KALRN: variants seen among roughly 807,000 people sequenced by gnomAD.
KALRN encodes kalirin.
Under a neutral mutation model 353.7 loss-of-function variants are expected in KALRN, and 70 were observed. The observed-to-expected ratio is 0.20, with a 90% CI of 0.16 to 0.24. The LOEUF (loss-of-function observed/expected upper bound fraction) is 0.24, where lower values mean the gene tolerates loss of function less well. Among genes scored for constraint, KALRN ranks in the 10% least tolerant of loss-of-function variants. The probability of loss-of-function intolerance (pLI) is 1.00; values close to 1 mark genes in which losing one functional copy is unlikely to be tolerated. For synonymous variants in KALRN, 1,391 were observed against 1,434.8 expected (o/e 0.97, Z 0.69); for missense variants, 2,791 against 3,756.7 (o/e 0.74, Z 6.72).
intron 10 of KALRN, among the ~76,000 whole-genome samples, chr3:124,371,472 A>G (rs2085825388): frequency 6.6e-6 from 1 of 152,132 alleles, no homozygotes; most frequent in Admixed American, 6.5e-5. Flanking sequence ...GCTGGGTTGT[A>G]TGGTAATTGT....
At chr3:124,079,823 T>C (rs2060448344) in intron 1 of KALRN, among the ~76,000 whole-genome samples, 3 of 152,220 alleles carry the variant, frequency 2.0e-5, no homozygotes, top group Admixed American at 2.0e-4. Flanking sequence ...AAAAGTCACT[T>C]GTATTTATTT....
intron 10 of KALRN, among the ~76,000 whole-genome samples, chr3:124,355,385 A>G (rs1245516509): frequency 6.6e-6 from 1 of 152,232 alleles, no homozygotes; most frequent in Non-Finnish European, 1.5e-5. Context: ...TTGACAAAAT[A>G]CACCACAATT....
At chr3:124,344,891 G>C (rs1474163129) in intron 9 of KALRN, among the ~76,000 whole-genome samples, 1 of 152,158 alleles carries the variant, frequency 6.6e-6, no homozygotes, top group African/African-American at 2.4e-5. Context: ...AACTTAAAAA[G>C]GAAACAAATT....
chr3:124,639,233 A>G (rs1368477732), intron 37 of KALRN, among the ~76,000 whole-genome samples: 3 of 80,232 alleles, frequency 3.7e-5, no homozygotes, highest in African/African-American at 1.1e-4. Context: ...TCAGGGTCCT[A>G]CTCAGATCTC....
intron 37 of KALRN, among the ~76,000 whole-genome samples, chr3:124,649,331 AG>A (rs2083119950): frequency 6.6e-6 from 1 of 152,226 alleles, no homozygotes; most frequent in Non-Finnish European, 1.5e-5. Context: ...AGCTCACTGA[AG>A]GCCAAGCTGA....
chr3:124,035,365 G>A (rs999565848), intron 1 of KALRN, among the ~76,000 whole-genome samples: 3 of 152,098 alleles, frequency 2.0e-5, no homozygotes, highest in African/African-American at 7.2e-5. Flanking sequence ...GGGGAGATAT[G>A]GGAATTCATA....
chr3:124,474,820 C>G, intron 26 of KALRN, 88 bp downstream of exon 26: 2 of 1,036,028 alleles, frequency 1.9e-6, no homozygotes, highest in Non-Finnish European at 3.1e-6. Context: ...CATTGCCAGT[C>G]TCACACAAGA....
chr3:124,510,329 G>C (rs972383438), intron 33 of KALRN, among the ~76,000 whole-genome samples: 2 of 152,144 alleles, frequency 1.3e-5, no homozygotes, highest in Non-Finnish European at 2.9e-5. Context: ...AGAGTGAGGG[G>C]TAAGGGAGAA....
chr3:124,207,148 A>T (rs2076480040), intron 1 of KALRN, among the ~76,000 whole-genome samples: 1 of 152,218 alleles, frequency 6.6e-6, no homozygotes, highest in Non-Finnish European at 1.5e-5. Context: ...CAGAGTTTGC[A>T]AGTTGGGGGA....
chr3:124,582,377 C>A (rs901204915), intron 34 of KALRN, among the ~76,000 whole-genome samples: 8 of 152,060 alleles, frequency 5.3e-5, no homozygotes, highest in Non-Finnish European at 1.2e-4. Context: ...GAAAGAGCAC[C>A]AGAGATTCAT....
chr3:124,542,503 T>C (rs1334075425), intron 33 of KALRN, among the ~76,000 whole-genome samples: 1 of 152,210 alleles, frequency 6.6e-6, no homozygotes, highest in Non-Finnish European at 1.5e-5. Flanking sequence ...CTTTCTAAAT[T>C]GAATGTCACT....
intron 1 of KALRN, among the ~76,000 whole-genome samples, chr3:124,145,824 C>T (rs1014940729): frequency 1.3e-5 from 2 of 152,080 alleles, no homozygotes; most frequent in African/African-American, 2.4e-5. Flanking sequence ...ATATCTGGTA[C>T]GTTTCAGTTA....
intron 33 of KALRN, among the ~76,000 whole-genome samples, chr3:124,527,893 C>G (rs2067726081): frequency 6.6e-6 from 1 of 152,140 alleles, no homozygotes; most frequent in Non-Finnish European, 1.5e-5. Flanking sequence ...AAACATCCTT[C>G]AAGTTCACAT....
chr3:124,119,647 T>C (rs2063781129), intron 1 of KALRN, among the ~76,000 whole-genome samples: 1 of 152,212 alleles, frequency 6.6e-6, no homozygotes, highest in Admixed American at 6.5e-5. Flanking sequence ...GATCAGATCA[T>C]TCAGATCGGG....
chr3:124,484,955 G>C (rs2062392237), intron 28 of KALRN, among the ~76,000 whole-genome samples: 1 of 152,098 alleles, frequency 6.6e-6, no homozygotes, highest in Non-Finnish European at 1.5e-5. Flanking sequence ...AATTAGCTGG[G>C]CATGGTGGTG....
At chr3:124,553,429 G>A (rs2070795173) in intron 33 of KALRN, among the ~76,000 whole-genome samples, 1 of 152,208 alleles carries the variant, frequency 6.6e-6, no homozygotes, top group Non-Finnish European at 1.5e-5. Flanking sequence ...ATGACATTTT[G>A]CACTTCTGTG....
chr3:124,558,565 C>T lies in KALRN; in HGVS notation c.4936-4278C>T, dbSNP rs145894989. ...AAATGCTGGGATTACAGTCACGAGCCACTGCGCCCAGCCCAGAACTTATTT... is the reference window on the plus strand; with the variant it reads ...AAATGCTGGGATTACAGTCACGAGCTACTGCGCCCAGCCCAGAACTTATTT... On this transcript the variant is annotated intron_variant, in intron 33 of 59. Transcript: ENST00000682506. 8.4e-3 allele frequency among the ~76,000 whole-genome samples: 1,275 copies of T among 152,382 alleles called. 27 individuals carry two copies. The highest frequency in any genetic ancestry group is 0.029 in the African/African-American group (1,200 of 41,578).
chr3:124,694,058 T>C (rs1011189374), intron 52 of KALRN, among the ~76,000 whole-genome samples: 1 of 152,230 alleles, frequency 6.6e-6, no homozygotes, highest in Non-Finnish European at 1.5e-5. Flanking sequence ...CAAAAGGGTA[T>C]ATACCAGAAT....
chr3:124,247,107 C>G (rs2070392694), intron 3 of KALRN, among the ~76,000 whole-genome samples: 1 of 152,160 alleles, frequency 6.6e-6, no homozygotes, highest in Non-Finnish European at 1.5e-5. Flanking sequence ...GATACGGACA[C>G]TCTATGTTAC....
Sources: gnomAD v4.1 joint callset for allele counts (sites outside exome capture counted in the v4.1 genomes callset) on GRCh38, gnomAD v4.1.1 for gene constraint, MANE v1.5 for transcripts, NCBI Gene and HGNC (gene_info 2026-07-23, HGNC 2026-07-21) for gene names.